Variants in SLIT2 observed in about 807,000 individuals in gnomAD.
SLIT2 encodes the protein slit guidance ligand 2, also known as slit homolog 2 protein.
In SLIT2, 41 loss-of-function variants were observed where a neutral mutation model predicts 185.7. The ratio of observed to expected loss-of-function variants is 0.22; its 90% CI spans 0.17 to 0.29. The LOEUF is 0.29. Ranked by LOEUF, SLIT2 falls within the 10% of genes least tolerant of loss-of-function variation. The probability of loss-of-function intolerance (pLI) is 1.00; values close to 1 mark genes in which losing one functional copy is unlikely to be tolerated. For missense variants in SLIT2, 1,571 were observed against 1,909.0 expected (o/e 0.82, Z 3.30); for synonymous variants, 693 against 680.2 (o/e 1.02, Z -0.29).
chr4:20,274,704 T>C (rs2109041479), intron 4 of SLIT2, among the ~76,000 whole-genome samples: 1 of 151,390 alleles, frequency 6.6e-6, no homozygotes, highest in South Asian at 2.1e-4. Context: ...GCTCATAGCA[T>C]AAGAAAATCA....
chr4:20,560,351 A>G (rs1560195582), intron 26 of SLIT2, among the ~76,000 whole-genome samples: 1 of 151,962 alleles, frequency 6.6e-6, no homozygotes, highest in Non-Finnish European at 1.5e-5. Context: ...AATAAAGACA[A>G]AAGTGTTTTC....
At chr4:20,386,700 T>C (rs928057476) in intron 4 of SLIT2, among the ~76,000 whole-genome samples, 8 of 152,212 alleles carry the variant, frequency 5.3e-5, no homozygotes, top group South Asian at 2.1e-4. Flanking sequence ...GACAGACTGA[T>C]TCCAAGGCAT....
chr4:20,588,571 G>A (rs1334061880), intron 29 of SLIT2, among the ~76,000 whole-genome samples: 2 of 152,070 alleles, frequency 1.3e-5, no homozygotes, highest in Non-Finnish European at 2.9e-5. Flanking sequence ...AAAAGTAGGA[G>A]TAAAGTAGAA....
chr4:20,411,963 G>A (rs1727289770), intron 4 of SLIT2, among the ~76,000 whole-genome samples: 1 of 152,150 alleles, frequency 6.6e-6, no homozygotes, highest in Admixed American at 6.6e-5. Context: ...GGAGAGTTGT[G>A]AGGAACCATC....
intron 4 of SLIT2, among the ~76,000 whole-genome samples, chr4:20,295,857 A>G (rs898386164): frequency 6.6e-6 from 1 of 152,214 alleles, no homozygotes; most frequent in Admixed American, 6.5e-5. Flanking sequence ...AGAAAGGAAA[A>G]ATGGAAGGAC....
chr4:20,398,522 A>G (rs1726097733), intron 4 of SLIT2, among the ~76,000 whole-genome samples: 1 of 151,816 alleles, frequency 6.6e-6, no homozygotes, highest in Non-Finnish European at 1.5e-5. Flanking sequence ...CTTTATGGCC[A>G]GAATTTTGGA....
intron 33 of SLIT2, among the ~76,000 whole-genome samples, chr4:20,604,803 A>T (rs1728661909): frequency 6.6e-6 from 1 of 151,730 alleles, no homozygotes; most frequent in Non-Finnish European, 1.5e-5. Flanking sequence ...TCCAGTTCCT[A>T]TTCCAAAGCG....
At chr4:20,366,809 A>T (rs544053176) in intron 4 of SLIT2, among the ~76,000 whole-genome samples, 13 of 151,988 alleles carry the variant, frequency 8.6e-5, no homozygotes, top group African/African-American at 2.9e-4. Context: ...TATTTTTTTT[A>T]ATTTTTGAAA....
At chr4:20,444,798 C>T (rs548282143) in intron 4 of SLIT2, among the ~76,000 whole-genome samples, 15 of 152,276 alleles carry the variant, frequency 9.9e-5, no homozygotes, top group Admixed American at 3.3e-4. Context: ...CCTCCCACTG[C>T]ATTGCAACAC....
intron 29 of SLIT2, among the ~76,000 whole-genome samples, chr4:20,589,230 T>C (rs1410733100): frequency 1.3e-5 from 2 of 152,138 alleles, no homozygotes; most frequent in Non-Finnish European, 2.9e-5. Context: ...TGTTTCTAGA[T>C]GTGGGTGCTG....
intron 4 of SLIT2, among the ~76,000 whole-genome samples, chr4:20,309,665 A>T (rs1382092294): frequency 1.3e-5 from 2 of 151,734 alleles, no homozygotes; most frequent in Non-Finnish European, 2.9e-5. Context: ...AAATTAATTG[A>T]TTAAAAATCT....
At chr4:20,431,996 ACTCT>A (rs962195204) in intron 4 of SLIT2, among the ~76,000 whole-genome samples, 2 of 134,438 alleles carry the variant, frequency 1.5e-5, no homozygotes, top group African/African-American at 5.4e-5. Context: ...TAAATCTCTC[ACTCT>A]CTGTGTGTGT....
At chr4:20,440,422 A>G (rs1729659630) in intron 4 of SLIT2, among the ~76,000 whole-genome samples, 1 of 152,104 alleles carries the variant, frequency 6.6e-6, no homozygotes, top group Non-Finnish European at 1.5e-5. Context: ...GGATATGCTT[A>G]TGTTGCAGAC....
intron 4 of SLIT2, among the ~76,000 whole-genome samples, chr4:20,290,828 T>A (rs1715732673): frequency 6.6e-6 from 1 of 152,130 alleles, no homozygotes. Flanking sequence ...ATCTTATTTT[T>A]TTCTGTATCA....
At chr4:20,318,220 T>G (rs947297215) in intron 4 of SLIT2, among the ~76,000 whole-genome samples, 2 of 152,166 alleles carry the variant, frequency 1.3e-5, no homozygotes, top group Non-Finnish European at 2.9e-5. Context: ...ACTTTGGTAA[T>G]GTGAATTTTT....
intron 8 of SLIT2, 32 bp from the exon 9 acceptor site, chr4:20,491,728 GA>G: frequency 6.3e-7 from 1 of 1,592,540 alleles, no homozygotes; most frequent in Non-Finnish European, 8.6e-7. Flanking sequence ...TATTCAGGAG[GA>G]AAAATATAAT....
At chr4:20,422,635 G>A (rs766844729) in intron 4 of SLIT2, among the ~76,000 whole-genome samples, 1 of 152,100 alleles carries the variant, frequency 6.6e-6, no homozygotes, top group Non-Finnish European at 1.5e-5. Context: ...GGCATGAGAG[G>A]CTCTTTCAGA....
intron 4 of SLIT2, among the ~76,000 whole-genome samples, chr4:20,421,773 G>C (rs1728189815): frequency 6.6e-6 from 1 of 152,110 alleles, no homozygotes; most frequent in South Asian, 2.1e-4. Context: ...CTGATGTCAA[G>C]AGGCTCTAAG....
intron 4 of SLIT2, among the ~76,000 whole-genome samples, chr4:20,279,178 T>A (rs1714482100): frequency 6.6e-6 from 1 of 152,220 alleles, no homozygotes; most frequent in African/African-American, 2.4e-5. Flanking sequence ...GTATTGAGGT[T>A]GGGAAATAAA....
Sources: allele counts gnomAD v4.1 joint callset (sites outside exome capture counted in the v4.1 genomes callset), GRCh38; gene constraint gnomAD v4.1.1; transcripts MANE v1.5; gene names NCBI Gene and HGNC (gene_info 2026-07-23, HGNC 2026-07-21).